Variants in ATP8A2 observed in about 807,000 individuals in gnomAD.
ATP8A2 encodes the protein phospholipid-transporting ATPase IB.
In ATP8A2, 100 loss-of-function variants were observed where a neutral mutation model predicts 165.6. The ratio of observed to expected loss-of-function variants is 0.60; its 90% CI spans 0.51 to 0.71. ATP8A2 has a LOEUF of 0.71. Ranked by LOEUF, ATP8A2 falls within the 30% of genes least tolerant of loss-of-function variation. ATP8A2 has a pLI of 0.00. For synonymous variants in ATP8A2, 543 were observed against 548.8 expected (o/e 0.99, Z 0.15); for missense variants, 1,227 against 1,479.5 (o/e 0.83, Z 2.80).
intron 24 of ATP8A2, among the ~76,000 whole-genome samples, chr13:25,696,151 A>G (rs2042829666): frequency 6.6e-6 from 1 of 152,188 alleles, no homozygotes; most frequent in Non-Finnish European, 1.5e-5. Context: ...GTGAGCAGTA[A>G]TATTTTGAAA....
chr13:25,957,649 G>T (rs1009311258), intron 33 of ATP8A2, among the ~76,000 whole-genome samples: 2 of 152,114 alleles, frequency 1.3e-5, no homozygotes, highest in Non-Finnish European at 2.9e-5. Context: ...AAATAGGAAC[G>T]CTTTTACACT....
intron 24 of ATP8A2, among the ~76,000 whole-genome samples, chr13:25,610,132 A>G (rs552501796): frequency 8.9e-4 from 135 of 151,806 alleles, no homozygotes; most frequent in Middle Eastern, 3.4e-3. Flanking sequence ...AATCCCATCT[A>G]TTTATCTTTG....
At chr13:25,561,424 C>T (rs1394694483) in intron 15 of ATP8A2, among the ~76,000 whole-genome samples, 4 of 152,022 alleles carry the variant, frequency 2.6e-5, no homozygotes, top group Non-Finnish European at 5.9e-5. Flanking sequence ...TATCCTTCGT[C>T]ATGAGTTTTC....
At chr13:25,637,343 G>A (rs1170115362) in intron 24 of ATP8A2, among the ~76,000 whole-genome samples, 1 of 152,096 alleles carries the variant, frequency 6.6e-6, no homozygotes, top group East Asian at 1.9e-4. Flanking sequence ...AGGGGTCAGG[G>A]AATTCCCTTT....
intron 33 of ATP8A2, among the ~76,000 whole-genome samples, chr13:25,957,103 C>A (rs549784228): frequency 6.6e-6 from 1 of 152,246 alleles, no homozygotes; most frequent in African/African-American, 2.4e-5. Flanking sequence ...TTCCTCACAC[C>A]TTATACAAAA....
chr13:25,789,793 G>A (rs865822487), intron 27 of ATP8A2, among the ~76,000 whole-genome samples: 8 of 152,142 alleles, frequency 5.3e-5, no homozygotes, highest in African/African-American at 4.8e-5. Flanking sequence ...CAAAAAGAGC[G>A]AAGCTGGATG....
intron 25 of ATP8A2, among the ~76,000 whole-genome samples, chr13:25,730,097 G>A (rs973152234): frequency 9.9e-5 from 15 of 151,994 alleles, no homozygotes; most frequent in African/African-American, 2.4e-4. Flanking sequence ...TGAGACCAGC[G>A]TGAACAATAT....
Position 25,425,353 on chromosome 13 carries a change from T to A in ATP8A2, c.77-43624T>A, listed in dbSNP as rs547859232. 3.0e-4 allele frequency among the ~76,000 whole-genome samples: 46 copies of A among 152,068 alleles called. 1 individual carries two copies. In the South Asian group the frequency reaches 8.7e-3, roughly 29 times the overall value. On this transcript the variant is annotated intron_variant, in intron 1 of 36. Coordinates refer to ENST00000381655, the MANE Select transcript of ATP8A2 (RefSeq NM_016529.6). ...AGCACCCCCCAATGCCTGAAAAAAA[T>A]TAACTAGGAAAAACATCAGCTTCTA...
In ATP8A2 at chr13:25,435,952, A is replaced by AT. The variant is rs2034757673; in HGVS notation, c.77-33025_77-33024insT. The stretch of plus-strand genomic sequence containing the variant: ...GTGTGAGTGTGTGTGTGTGTGTGTG[A>AT]GTGTGTGTGTGTGTGTGTGTATGTG... On this transcript the variant is annotated intron_variant, in intron 1 of 36. Coordinates refer to ENST00000381655, the MANE Select transcript of ATP8A2 (RefSeq NM_016529.6). Among the ~76,000 whole-genome samples the AT allele has an allele frequency of 1.4e-3, 55 of 40,666 alleles. 1 individual carries two copies. Among genetic ancestry groups the AT allele is most frequent in the East Asian group, 4.7e-3 (1 of 214 alleles). 26.7% of individuals were successfully genotyped at this position (40,666 alleles called of 152,430 possible).
At chr13:25,634,921 A>G (rs1217595414) in intron 24 of ATP8A2, among the ~76,000 whole-genome samples, 1 of 152,160 alleles carries the variant, frequency 6.6e-6, no homozygotes, top group Non-Finnish European at 1.5e-5. Context: ...AAGAACAATT[A>G]CTAGATCATT....
intron 35 of ATP8A2, among the ~76,000 whole-genome samples, chr13:25,988,368 A>T (rs1956310711): frequency 6.6e-6 from 1 of 152,264 alleles, no homozygotes; most frequent in Non-Finnish European, 1.5e-5. Flanking sequence ...TTTCTCATGC[A>T]TCCAGCTCAG....
rs765410468 is a variant in ATP8A2, at chr13:25,530,623, TAAC to T, written c.386_388del (p.Thr129del). 1 of 1,594,746 alleles carries T rather than the reference TAAC, an allele frequency of 6.3e-7. No homozygotes were observed. The highest frequency in any genetic ancestry group is 8.6e-7 in the Non-Finnish European group (1 of 1,167,792). ...ACCCTGGTGCCATTGATCATTATTT[TAAC>T]AATTGCAGGCATCAAAGAGATTGTA... On this transcript the variant is annotated inframe_deletion, in exon 4 of 37. Transcript: ENST00000381655.
chr13:25,842,132 AG>A (rs1178194671), intron 30 of ATP8A2, among the ~76,000 whole-genome samples: 1 of 152,252 alleles, frequency 6.6e-6, no homozygotes, highest in Admixed American at 6.5e-5. Context: ...AGCTGTTTCA[AG>A]TAAACCATAG....
intron 27 of ATP8A2, among the ~76,000 whole-genome samples, chr13:25,775,399 G>C (rs903116858): frequency 1.6e-4 from 25 of 152,286 alleles, no homozygotes; most frequent in Middle Eastern, 3.4e-3. Flanking sequence ...ATTTCTCACA[G>C]ACTCTGCAAG....
chr13:25,468,800 C>A, intron 1 of ATP8A2, 177 bp from the exon 2 acceptor site: 1 of 981,788 alleles, frequency 1.0e-6, no homozygotes, highest in Non-Finnish European at 1.2e-6. Flanking sequence ...CCGGCCTTGG[C>A]TGCCGCGGCA....
intron 1 of ATP8A2, among the ~76,000 whole-genome samples, chr13:25,384,569 T>C (rs952284513): frequency 6.6e-6 from 1 of 152,238 alleles, no homozygotes; most frequent in African/African-American, 2.4e-5. Flanking sequence ...TCTTCAGCTT[T>C]GTTTTGCGTT....
chr13:25,631,867 G>A lies in ATP8A2; in HGVS notation c.2211+42168G>A, dbSNP rs143096139. Among the ~76,000 whole-genome samples the A allele has an allele frequency of 4.0e-5, 6 of 150,116 alleles. No homozygotes were observed. In the East Asian group the frequency reaches 1.0e-3, roughly 25 times the overall value. On this transcript the variant is annotated intron_variant, in intron 24 of 36. Coordinates refer to ENST00000381655, the MANE Select transcript of ATP8A2 (RefSeq NM_016529.6). ...ACTTCTAACACCAGAAATGTGGGGA[G>A]TTTTCCCAACATAGCAAACCAAGCA... is the stretch of plus-strand genomic sequence containing the variant.
intron 25 of ATP8A2, among the ~76,000 whole-genome samples, chr13:25,725,676 A>G (rs3132364): frequency 0.12 from 18,539 of 152,226 alleles, 1,505 homozygotes; most frequent in East Asian, 0.36. Context: ...CGATGCTTTC[A>G]AGTGGCGTGC....
chr13:25,571,134 G>A (rs1203581486), intron 17 of ATP8A2, among the ~76,000 whole-genome samples: 1 of 152,186 alleles, frequency 6.6e-6, no homozygotes, highest in Non-Finnish European at 1.5e-5. Flanking sequence ...GATTGGGCTT[G>A]ACAGAGCTCT....
Sources: gnomAD v4.1 joint callset for allele counts (sites outside exome capture counted in the v4.1 genomes callset) on GRCh38, gnomAD v4.1.1 for gene constraint, MANE v1.5 for transcripts, NCBI Gene and HGNC (gene_info 2026-07-23, HGNC 2026-07-21) for gene names.